HCRTR2: variants seen among roughly 807,000 people sequenced by gnomAD.
The protein encoded by HCRTR2 is hypocretin receptor 2.
A neutral mutation model predicts 49.0 loss-of-function variants in HCRTR2; 22 were observed. That is an observed-to-expected ratio of 0.45 (90% confidence interval 0.32 to 0.64). The LOEUF (loss-of-function observed/expected upper bound fraction) is 0.64. Among genes scored for constraint, HCRTR2 ranks in the 30% least tolerant of loss-of-function variants. HCRTR2 has a pLI of 0.04. For synonymous variants in HCRTR2, 236 were observed against 205.3 expected (o/e 1.15, Z -1.28); for missense variants, 491 against 559.4 (o/e 0.88, Z 1.23).
chr6:55,221,772 C>T (rs1765902016), intron 1 of HCRTR2, among the ~76,000 whole-genome samples: 1 of 149,038 alleles, frequency 6.7e-6, no homozygotes, highest in Non-Finnish European at 1.5e-5. Context: ...GAGATCACGC[C>T]ACTGCACTCC....
intron 1 of HCRTR2, among the ~76,000 whole-genome samples, chr6:55,216,162 C>A (rs1172321773): frequency 6.6e-6 from 1 of 152,130 alleles, no homozygotes; most frequent in African/African-American, 2.4e-5. Context: ...GTGGGGAAAG[C>A]CCTCATGACT....
At chr6:55,238,895 C>G (rs772148727) in intron 1 of HCRTR2, among the ~76,000 whole-genome samples, 2 of 152,138 alleles carry the variant, frequency 1.3e-5, no homozygotes, top group African/African-American at 2.4e-5. Flanking sequence ...GTAAGATGAA[C>G]AGAAGTCAAA....
At chr6:55,170,237 C>T (rs1402411352), upstream of HCRTR2, among the ~76,000 whole-genome samples, 2 of 148,746 alleles carry the variant, frequency 1.3e-5, no homozygotes, top group Non-Finnish European at 3.0e-5. Context: ...TATACTTATA[C>T]AATATATTTA....
At chr6:55,266,692 G>A (rs765607435) in intron 4 of HCRTR2, among the ~76,000 whole-genome samples, 4 of 151,900 alleles carry the variant, frequency 2.6e-5, no homozygotes, top group Non-Finnish European at 5.9e-5. Context: ...CTCTTTCAAG[G>A]TTGCAATGTA....
chr6:55,129,907 T>A (rs1000025469), intron 1 of HCRTR2, among the ~76,000 whole-genome samples: 3 of 152,062 alleles, frequency 2.0e-5, no homozygotes, highest in African/African-American at 7.2e-5. Context: ...TTAGTCTCCC[T>A]ACTCTTCTAT....
chr6:55,123,523 T>A (rs1253803869), intron 1 of HCRTR2, among the ~76,000 whole-genome samples: 2 of 152,138 alleles, frequency 1.3e-5, no homozygotes, highest in Non-Finnish European at 2.9e-5. Flanking sequence ...CTGGATCCCA[T>A]TTGCCAGTAT....
At chr6:55,231,466 G>C (rs1197920609) in intron 1 of HCRTR2, among the ~76,000 whole-genome samples, 1 of 152,042 alleles carries the variant, frequency 6.6e-6, no homozygotes, top group Non-Finnish European at 1.5e-5. Flanking sequence ...ATATCTGAAA[G>C]TGTTCCACTT....
At chr6:55,183,571 C>T (rs1445370585) in intron 1 of HCRTR2, among the ~76,000 whole-genome samples, 2 of 152,028 alleles carry the variant, frequency 1.3e-5, no homozygotes, top group Admixed American at 6.5e-5. Context: ...AATTAGAGTA[C>T]CATCATTGGT....
At chr6:55,209,918 A>G (rs993826496) in intron 1 of HCRTR2, among the ~76,000 whole-genome samples, 4 of 152,134 alleles carry the variant, frequency 2.6e-5, no homozygotes, top group Admixed American at 6.6e-5. Context: ...TCGAAGAACA[A>G]TGTATTCGGT....
chr6:55,126,226 T>C (rs937895667), intron 1 of HCRTR2, among the ~76,000 whole-genome samples: 2 of 152,200 alleles, frequency 1.3e-5, no homozygotes, highest in African/African-American at 4.8e-5. Context: ...CAGCCTTTTT[T>C]GCACTGGTTT....
intron 1 of HCRTR2, among the ~76,000 whole-genome samples, chr6:55,129,856 G>T (rs1344507260): frequency 6.6e-6 from 1 of 151,894 alleles, no homozygotes; most frequent in Non-Finnish European, 1.5e-5. Context: ...AATTTCTATA[G>T]AAGTTGCCTT....
At chr6:55,214,603 A>T (rs1765755901) in intron 1 of HCRTR2, among the ~76,000 whole-genome samples, 3 of 151,926 alleles carry the variant, frequency 2.0e-5, no homozygotes, top group Admixed American at 2.0e-4. Context: ...AGCCTCCCAA[A>T]TCATTGGGAT....
intron 1 of HCRTR2, among the ~76,000 whole-genome samples, chr6:55,215,459 C>T (rs76047488): frequency 6.6e-6 from 1 of 152,100 alleles, no homozygotes; most frequent in East Asian, 1.9e-4. Flanking sequence ...TAAAAGAACG[C>T]TGAACAGCAA....
intron 1 of HCRTR2, among the ~76,000 whole-genome samples, chr6:55,117,086 T>A (rs1561976136): frequency 6.6e-6 from 1 of 151,868 alleles, no homozygotes; most frequent in African/African-American, 2.4e-5. Context: ...TGAGAAAAGC[T>A]AAGTCATGAT....
chr6:55,204,096 T>G (rs1415586326), intron 1 of HCRTR2, among the ~76,000 whole-genome samples: 1 of 152,146 alleles, frequency 6.6e-6, no homozygotes, highest in Non-Finnish European at 1.5e-5. Context: ...ACTTCTTGCT[T>G]GAGAGCCTTT....
In HCRTR2 at chr6:55,178,478, ACC is replaced by A. The variant is rs560195332; in HGVS notation, c.223+3670_223+3671del. ...TAGTATCAGGATATAATGTACGTAT[ACC>A]CTCTATAAAGACATATAAAGGGACA... On this transcript the variant is annotated intron_variant, in intron 1 of 6. Transcript: ENST00000370862. Among the ~76,000 whole-genome samples the A allele has an allele frequency of 2.0e-5, 3 of 152,292 alleles. No individual in the cohort carries two copies. The East Asian group carries it at 5.8e-4, about 29-fold the overall frequency.
chr6:55,221,346 CCAG>C (rs1765886153), intron 1 of HCRTR2, among the ~76,000 whole-genome samples: 1 of 152,104 alleles, frequency 6.6e-6, no homozygotes, highest in African/African-American at 2.4e-5. Flanking sequence ...AACTTACAAA[CCAG>C]CATAGCGAGC....
At chr6:55,267,885 C>G (rs1243624345) in intron 4 of HCRTR2, among the ~76,000 whole-genome samples, 1 of 151,426 alleles carries the variant, frequency 6.6e-6, no homozygotes, top group African/African-American at 2.4e-5. Flanking sequence ...TAACTCGAGT[C>G]CATACAAAAA....
At chr6:55,262,693 G>A (rs1219469626) in intron 3 of HCRTR2, among the ~76,000 whole-genome samples, 3 of 137,664 alleles carry the variant, frequency 2.2e-5, no homozygotes, top group South Asian at 2.2e-4. Context: ...TATTATGTAG[G>A]GAATCTGAAT....
Sources: gnomAD v4.1 joint callset for allele counts (sites outside exome capture counted in the v4.1 genomes callset) on GRCh38, gnomAD v4.1.1 for gene constraint, MANE v1.5 for transcripts, NCBI Gene and HGNC (gene_info 2026-07-23, HGNC 2026-07-21) for gene names.